Variants in CLIC4 observed in about 807,000 individuals in gnomAD.
CLIC4 encodes CLIC family member 4.
In CLIC4, 13 loss-of-function variants were observed where a neutral mutation model predicts 24.6. That is an observed-to-expected ratio of 0.53 (90% CI 0.34 to 0.84). The LOEUF (loss-of-function observed/expected upper bound fraction) is 0.84, where lower values mean the gene tolerates loss of function less well. Ranked by LOEUF, CLIC4 falls within the 40% of genes least tolerant of loss-of-function variation. The probability of loss-of-function intolerance (pLI) is 0.01; values close to 1 mark genes in which losing one functional copy is unlikely to be tolerated. For synonymous variants in CLIC4, 104 were observed against 111.3 expected, an observed-to-expected ratio of 0.93 and a Z score of 0.41; for missense variants, 227 against 301.7, an observed-to-expected ratio of 0.75 and a Z score of 1.83.
intron 2 of CLIC4, among the ~76,000 whole-genome samples, chr1:24,800,874 C>T (rs1033579809): frequency 2.7e-5 from 4 of 147,768 alleles, no homozygotes; most frequent in South Asian, 2.2e-4. Context: ...GCAGCATGCT[C>T]GTTAAGAGTC....
chr1:24,829,996 AT>A (rs1639824309), intron 4 of CLIC4, among the ~76,000 whole-genome samples: 1 of 152,202 alleles, frequency 6.6e-6, no homozygotes, highest in Admixed American at 6.5e-5. Context: ...GCTTGAAAAT[AT>A]GGTTTTATCC....
chr1:24,827,167 A>C, intron 4 of CLIC4, 51 bp downstream of exon 4: 1 of 1,104,310 alleles, frequency 9.1e-7, no homozygotes, highest in Non-Finnish European at 1.4e-6. Context: ...CCCAAACAAC[A>C]ACAGGCTGTT....
At chr1:24,797,086 T>C (rs1423892946) in intron 1 of CLIC4, among the ~76,000 whole-genome samples, 2 of 151,400 alleles carry the variant, frequency 1.3e-5, no homozygotes, top group African/African-American at 4.8e-5. Context: ...TTTGAGTAGC[T>C]GGGACTACAG....
chr1:24,813,119 C>A (rs1639632167), intron 2 of CLIC4, among the ~76,000 whole-genome samples: 1 of 149,518 alleles, frequency 6.7e-6, no homozygotes, highest in Admixed American at 6.7e-5. Flanking sequence ...TCTCTGCTGA[C>A]TGCAGCCTCT....
intron 1 of CLIC4, among the ~76,000 whole-genome samples, chr1:24,780,518 A>G (rs918026820): frequency 3.3e-5 from 5 of 152,180 alleles, no homozygotes; most frequent in African/African-American, 4.8e-5. Flanking sequence ...GGCTCTTTGC[A>G]TGGCTGTTTC....
intron 2 of CLIC4, among the ~76,000 whole-genome samples, chr1:24,806,007 C>A (rs1241408546): frequency 6.6e-6 from 1 of 152,160 alleles, no homozygotes; most frequent in Non-Finnish European, 1.5e-5. Flanking sequence ...CCCCAAAACA[C>A]TGGAGAATAT....
chr1:24,795,444 T>C (rs12058768), intron 1 of CLIC4, among the ~76,000 whole-genome samples: 2,905 of 151,824 alleles, frequency 0.019, 82 homozygotes, highest in African/African-American at 0.067. Context: ...ATTTCTTAAG[T>C]CCACGAATTT....
chr1:24,753,288 A>G (rs916799000), intron 1 of CLIC4, among the ~76,000 whole-genome samples: 1 of 152,242 alleles, frequency 6.6e-6, no homozygotes, highest in African/African-American at 2.4e-5. Flanking sequence ...TAAAGAATGT[A>G]CCGGCATGAA....
At chr1:24,814,413 G>C (rs1335509250) in intron 3 of CLIC4, among the ~76,000 whole-genome samples, 194 bp downstream of exon 3, 1 of 152,198 alleles carries the variant, frequency 6.6e-6, no homozygotes, top group Non-Finnish European at 1.5e-5. Flanking sequence ...GAAAGGTGGG[G>C]ATTTGTCTAA....
intron 2 of CLIC4, among the ~76,000 whole-genome samples, chr1:24,812,529 A>G (rs1300337369): frequency 6.6e-6 from 1 of 152,154 alleles, no homozygotes; most frequent in Non-Finnish European, 1.5e-5. Flanking sequence ...AACTCTCCAA[A>G]ATCTTTTTTC....
chr1:24,815,778 TAATCTC>T (rs1364788845), intron 3 of CLIC4, among the ~76,000 whole-genome samples: 1 of 152,244 alleles, frequency 6.6e-6, no homozygotes, highest in Admixed American at 6.5e-5. Flanking sequence ...TGCCTGAGGC[TAATCTC>T]AAGAGGTCCT....
intron 1 of CLIC4, among the ~76,000 whole-genome samples, chr1:24,756,434 T>C (rs1638850922): frequency 6.6e-6 from 1 of 152,238 alleles, no homozygotes; most frequent in South Asian, 2.1e-4. Context: ...ATACAAGCTG[T>C]TTCTTGAAGC....
rs987796865 is a variant in CLIC4, at chr1:24,785,727, C to T, written c.73-12015C>T. 2.0e-5 allele frequency among the ~76,000 whole-genome samples: 3 copies of T among 151,926 alleles called. No individual in the cohort carries two copies. The East Asian group carries it at 5.8e-4, about 29-fold the overall frequency. On this transcript the variant is annotated intron_variant, in intron 1 of 5. Coordinates refer to ENST00000374379, the MANE Select transcript of CLIC4 (RefSeq NM_013943.3). Reference sequence around the variant, plus strand: ...ATTAGCCAGACATGGTGGCAGGTGCCTATAATCCCAGCTACTTGGGAGGCT... The same window carrying T: ...ATTAGCCAGACATGGTGGCAGGTGCTTATAATCCCAGCTACTTGGGAGGCT...
rs376929434 is a variant in CLIC4, at chr1:24,804,876, GA to G, written c.182+7026del. Among the ~76,000 whole-genome samples the G allele has an allele frequency of 1.3e-3, 194 of 152,010 alleles. 6 individuals carry two copies. The South Asian group carries it at 0.039, about 31-fold the overall frequency. On this transcript the variant is annotated intron_variant, in intron 2 of 5. Coordinates refer to ENST00000374379, the MANE Select transcript of CLIC4 (RefSeq NM_013943.3). ...AGCGCTTTGAGAGGCCGGGGCAGGTGATCACTTGAGGTCAGGAGTTCAAGAC... is the reference window on the plus strand; with the variant it reads ...AGCGCTTTGAGAGGCCGGGGCAGGTGTCACTTGAGGTCAGGAGTTCAAGAC...
intron 1 of CLIC4, among the ~76,000 whole-genome samples, chr1:24,777,708 G>T (rs770452683): frequency 5.3e-5 from 8 of 152,052 alleles, no homozygotes; most frequent in Admixed American, 6.6e-5. Flanking sequence ...AATATGTCTA[G>T]TTTGAGTTGA....
chr1:24,785,158 T>A (rs1446932868), intron 1 of CLIC4, among the ~76,000 whole-genome samples: 1 of 151,848 alleles, frequency 6.6e-6, no homozygotes, highest in Non-Finnish European at 1.5e-5. Flanking sequence ...ATATTTAGAT[T>A]TTTTTCCCTT....
intron 1 of CLIC4, among the ~76,000 whole-genome samples, chr1:24,781,237 C>T (rs1310467105): frequency 7.4e-5 from 11 of 148,596 alleles, no homozygotes; most frequent in Admixed American, 3.4e-4. Context: ...CTGGTTCAAG[C>T]GATTATCCTG....
intron 1 of CLIC4, among the ~76,000 whole-genome samples, chr1:24,793,714 T>G (rs966313977): frequency 6.6e-6 from 1 of 152,160 alleles, no homozygotes; most frequent in Non-Finnish European, 1.5e-5. Flanking sequence ...CGGATTTTTT[T>G]TTTTTCTTAA....
chr1:24,811,037 C>G (rs1472501878), intron 2 of CLIC4, among the ~76,000 whole-genome samples: 1 of 150,762 alleles, frequency 6.6e-6, no homozygotes, highest in Non-Finnish European at 1.5e-5. Context: ...CGAGATCGCA[C>G]CACTGCACTT....
Sources: gnomAD v4.1 joint callset for allele counts (sites outside exome capture counted in the v4.1 genomes callset) on GRCh38, gnomAD v4.1.1 for gene constraint, MANE v1.5 for transcripts, NCBI Gene and HGNC (gene_info 2026-07-23, HGNC 2026-07-21) for gene names.